MAGEC3: variants seen among roughly 807,000 people sequenced by gnomAD.
MAGEC3 encodes the protein MAGE family member C3, also known as melanoma-associated antigen C3.
Under a neutral mutation model 35.3 loss-of-function variants are expected in MAGEC3, and 34 were observed. The observed-to-expected ratio is 0.96, with a 90% CI of 0.73 to 1.28. The LOEUF (loss-of-function observed/expected upper bound fraction) is 1.28, where lower values mean the gene tolerates loss of function less well. Ranked by LOEUF, MAGEC3 falls within the 50% of genes most tolerant of loss-of-function variation. The pLI, the probability that MAGEC3 is intolerant of heterozygous loss-of-function variation, is 0.00. For missense variants in MAGEC3, 561 were observed against 483.6 expected, an observed-to-expected ratio of 1.16 and a Z score of -1.50; for synonymous variants, 202 against 185.6, an observed-to-expected ratio of 1.09 and a Z score of -0.72.
intron 1 of MAGEC3, among the ~76,000 whole-genome samples, chrX:141,848,136 C>T (rs771901312): frequency 5.5e-5 from 6 of 109,472 alleles, no homozygotes; most frequent in Non-Finnish European, 1.2e-4. Flanking sequence ...TATACACATA[C>T]ATGTGTATCT....
chrX:141,852,302 G>C (rs1317369564), intron 1 of MAGEC3, among the ~76,000 whole-genome samples: 1 of 110,210 alleles, frequency 9.1e-6, no homozygotes, highest in Non-Finnish European at 1.9e-5. Context: ...ACCTTGCTGA[G>C]CTCATTTATT....
chrX:141,865,656 A>C, intron 2 of MAGEC3, 51 bp downstream of exon 2: 1 of 1,139,748 alleles, frequency 8.8e-7, no homozygotes, highest in Admixed American at 2.4e-5. Context: ...AGATATAGGG[A>C]GTTTTAGCCC....
chrX:141,858,366 G>A (rs1226928099), intron 1 of MAGEC3, among the ~76,000 whole-genome samples: 1 of 110,509 alleles, frequency 9.0e-6, no homozygotes, highest in Non-Finnish European at 1.9e-5. Context: ...AAATCCACAT[G>A]GAATTTAATG....
At chrX:141,875,109 G>A (rs2017912174) in intron 2 of MAGEC3, among the ~76,000 whole-genome samples, 1 of 111,700 alleles carries the variant, frequency 9.0e-6, no homozygotes, top group Non-Finnish European at 1.9e-5. Flanking sequence ...AATGTGAAAG[G>A]AGAGGCACCA....
chrX:141,882,666 A>C (rs1178222989), intron 4 of MAGEC3, among the ~76,000 whole-genome samples: 2 of 112,330 alleles, frequency 1.8e-5, no homozygotes, highest in East Asian at 5.6e-4. Context: ...TAATAAATAA[A>C]AGCATCTCTG....
At chrX:141,853,809 C>T (rs1380285931) in intron 1 of MAGEC3, among the ~76,000 whole-genome samples, 1 of 111,414 alleles carries the variant, frequency 9.0e-6, no homozygotes, top group African/African-American at 3.3e-5. Context: ...ATTAATTGAA[C>T]CCCCTCTTAT....
At chrX:141,867,700 TC>T (rs1368681600) in intron 2 of MAGEC3, among the ~76,000 whole-genome samples, 1 of 112,407 alleles carries the variant, frequency 8.9e-6, no homozygotes, top group African/African-American at 3.2e-5. Flanking sequence ...AGATTTTCTG[TC>T]TGATATTTTA....
At chrX:141,865,706 G>A in intron 2 of MAGEC3, 101 bp downstream of exon 2, 1 of 933,825 alleles carries the variant, frequency 1.1e-6, no homozygotes, top group Non-Finnish European at 1.4e-6. Flanking sequence ...GCCCAAGGCA[G>A]GTTTCCCCAG....
Position 141,880,123 on chromosome X carries a change from C to T in MAGEC3, c.515+692C>T, listed in dbSNP as rs141464734. 5.9e-3 allele frequency among the ~76,000 whole-genome samples: 659 copies of T among 111,417 alleles called. 6 individuals carry two copies. The highest frequency in any genetic ancestry group is 0.019 in the African/African-American group (587 of 30,661). ...GTCTGAGGGTCCCGTGGCAAATCAG[C>T]ACAGGGAGCTGCCTCCAGTTGGCAG... is the stretch of plus-strand genomic sequence containing the variant. On this transcript the variant is annotated intron_variant, in intron 3 of 7. Transcript: ENST00000298296.
At chrX:141,877,403 A>C (rs980825372) in intron 2 of MAGEC3, among the ~76,000 whole-genome samples, 142 of 111,815 alleles carry the variant, frequency 1.3e-3, no homozygotes, top group Non-Finnish European at 4.3e-4. Flanking sequence ...TTTCATTTTC[A>C]TACTCTTTCC....
At chrX:141,890,496 A>G (rs946640188) in intron 4 of MAGEC3, among the ~76,000 whole-genome samples, 27 of 110,865 alleles carry the variant, frequency 2.4e-4, no homozygotes, top group Admixed American at 9.6e-5. Flanking sequence ...CATGAGCCCC[A>G]CCACACCTGG....
chrX:141,840,660 G>A (rs1422747293), intron 1 of MAGEC3, among the ~76,000 whole-genome samples: 1 of 110,780 alleles, frequency 9.0e-6, no homozygotes, highest in Non-Finnish European at 1.9e-5. Flanking sequence ...AAAGTGGACT[G>A]TTCAGCATTT....
At chrX:141,864,395 G>A (rs1490045687) in intron 1 of MAGEC3, among the ~76,000 whole-genome samples, 1 of 93,570 alleles carries the variant, frequency 1.1e-5, no homozygotes, top group Non-Finnish European at 2.2e-5. Flanking sequence ...CATAAGGTTT[G>A]CAAATTTATT....
At position 141,879,160 on chromosome X, in the gene MAGEC3, T is replaced by C. The variant is rs73577990; in HGVS notation, c.259-15T>C. 0.074 allele frequency: 85,325 copies of C among 1,160,442 alleles called. 4,469 individuals are homozygous for C. Among genetic ancestry groups the C allele is most frequent in the East Asian group, 0.41 (13,522 of 32,960 alleles). ...ACTGGTAGTGCCCCTCCCCTGTCCC[T>C]GTGCCTGCTGCCAGCTCTGGAGGAC... On this transcript the variant is annotated splice_polypyrimidine_tract_variant and intron_variant, in intron 2 of 7. Transcript: ENST00000298296.
Position 141,895,576 on chromosome X carries a change from G to A in MAGEC3, c.1123+17G>A, listed in dbSNP as rs1233957899. 6 of 1,178,631 alleles carry A rather than the reference G, an allele frequency of 5.1e-6. No homozygotes were observed. The East Asian group carries it at 1.5e-4, about 30-fold the overall frequency. ...AGGGAGGAGGTGCCAGCCCTCTAGG[G>A]AATAAATAGGAAGACATTGAGGAGG... is the stretch of plus-strand genomic sequence containing the variant. On this transcript the variant is annotated intron_variant, in intron 6 of 7. Coordinates refer to ENST00000298296, the MANE Select transcript of MAGEC3 (RefSeq NM_138702.1).
At position 141,850,366 on chromosome X, in the gene MAGEC3, T is replaced by A. The variant is rs148347892; in HGVS notation, c.123+11928T>A. Among the ~76,000 whole-genome samples the A allele has an allele frequency of 5.6e-3, 618 of 110,905 alleles. 2 individuals are homozygous for A. Among genetic ancestry groups the A allele is most frequent in the African/African-American group, 0.019 (586 of 30,566 alleles). ...AGTCTGCACCTGTACCCCTTATATG[T>A]AGAATAAAAGCTGAAATTTTTAAAA... On this transcript the variant is annotated intron_variant, in intron 1 of 7. Coordinates refer to ENST00000298296, the MANE Select transcript of MAGEC3 (RefSeq NM_138702.1).
chrX:141,886,046 G>T (rs1479186664), intron 4 of MAGEC3, among the ~76,000 whole-genome samples: 1 of 111,093 alleles, frequency 9.0e-6, no homozygotes, highest in Non-Finnish European at 1.9e-5. Context: ...GTATCCCGAG[G>T]TGCAGGGGTC....
At chrX:141,884,466 A>G (rs182825945) in intron 4 of MAGEC3, among the ~76,000 whole-genome samples, 10 of 110,366 alleles carry the variant, frequency 9.1e-5, no homozygotes, top group Non-Finnish European at 1.7e-4. Context: ...TCCATAATAC[A>G]CTCCCCTTTA....
At chrX:141,888,676 C>T in intron 4 of MAGEC3, among the ~76,000 whole-genome samples, 1 of 111,698 alleles carries the variant, frequency 9.0e-6, no homozygotes, top group East Asian at 2.8e-4. Context: ...CCAATAGGCC[C>T]ATGAACAAAG....
Sources: allele counts gnomAD v4.1 joint callset (sites outside exome capture counted in the v4.1 genomes callset), GRCh38; gene constraint gnomAD v4.1.1; transcripts MANE v1.5; gene names NCBI Gene and HGNC (gene_info 2026-07-23, HGNC 2026-07-21).